Variants in AMD1 observed in about 807,000 individuals in gnomAD.
AMD1 encodes the protein adenosylmethionine decarboxylase 1, also known as S-adenosylmethionine decarboxylase proenzyme.
Under a neutral mutation model 40.2 loss-of-function variants are expected in AMD1, and 11 were observed. The observed-to-expected ratio is 0.27, with a 90% CI of 0.17 to 0.45. The LOEUF is 0.45. AMD1 is among the 20% of genes least tolerant of loss of function. The pLI is 1.00. For missense variants in AMD1, 257 were observed against 410.2 expected (o/e 0.63, Z 3.23); for synonymous variants, 121 against 130.8 (o/e 0.93, Z 0.51).
the AMD1 span, among the ~76,000 whole-genome samples, chr6:110,867,645 CAG>C: frequency 6.6e-6 from 1 of 152,120 alleles, no homozygotes; most frequent in Non-Finnish European, 1.5e-5. Context: ...GCCTGGGCAA[CAG>C]AGTGAGACTC....
At chr6:110,878,539 T>C (rs1785230669) in intron 1 of AMD1, among the ~76,000 whole-genome samples, 2 of 152,214 alleles carry the variant, frequency 1.3e-5, no homozygotes, top group South Asian at 4.1e-4. Context: ...TCCAGATGAA[T>C]AAAGGACAAT....
chr6:110,889,060 A>G lies in AMD1; in HGVS notation c.324+77A>G, dbSNP rs375551851. ...ATCCTGTAATATGCGAAGTAAATAA[A>G]TTTATATACTTACTGCCTTTGTTAC... is the stretch of plus-strand genomic sequence containing the variant. On this transcript the variant is annotated intron_variant, in intron 3 of 8. Transcript: ENST00000368885. 1.3e-4 allele frequency: 200 copies of G among 1,532,592 alleles called. 2 individuals carry two copies. The East Asian group carries it at 2.9e-3, about 22-fold the overall frequency. 94.9% of individuals were successfully genotyped at this position (1,532,592 alleles called of 1,614,324 possible).
the AMD1 span, among the ~76,000 whole-genome samples, chr6:110,859,753 AGAAG>A: frequency 3.0e-4 from 45 of 152,260 alleles, no homozygotes; most frequent in East Asian, 8.5e-3. Flanking sequence ...TGAGGCCCGT[AGAAG>A]GAAGTGGAAT....
chr6:110,892,535 A>G, intron 6 of AMD1, 92 bp downstream of exon 6: 3 of 1,559,242 alleles, frequency 1.9e-6, no homozygotes, highest in Non-Finnish European at 2.6e-6. Flanking sequence ...TCAGGGTAAC[A>G]AGTGCTAGTT....
At chr6:110,888,334 A>AG (rs1785813362) in intron 2 of AMD1, 1 of 148,878 alleles carries the variant, frequency 6.7e-6, no homozygotes, top group African/African-American at 2.5e-5. Context: ...TTTTTTTCTG[A>AG]GGCGGAGTCT....
intron 1 of AMD1, among the ~76,000 whole-genome samples, chr6:110,887,057 T>G (rs1483076469): frequency 6.6e-6 from 1 of 152,132 alleles, no homozygotes; most frequent in Non-Finnish European, 1.5e-5. Context: ...GCTATAAGAG[T>G]AACATCACTC....
chr6:110,871,111 G>T (rs1195606599), upstream of AMD1, among the ~76,000 whole-genome samples: 1 of 152,190 alleles, frequency 6.6e-6, no homozygotes, highest in Non-Finnish European at 1.5e-5. Context: ...GTAGAGATGA[G>T]GTTGGAGGAT....
At chr6:110,843,387 C>T in the AMD1 span, among the ~76,000 whole-genome samples, 2 of 149,196 alleles carry the variant, frequency 1.3e-5, no homozygotes, top group African/African-American at 4.9e-5. Flanking sequence ...TCGCTAGAAC[C>T]GAGGAGGCAG....
the AMD1 span, among the ~76,000 whole-genome samples, chr6:110,840,822 C>T: frequency 1.3e-5 from 2 of 152,152 alleles, no homozygotes; most frequent in Non-Finnish European, 2.9e-5. Context: ...AGAGAGATTC[C>T]ATTTCCTGAG....
the AMD1 span, among the ~76,000 whole-genome samples, chr6:110,845,119 A>C: frequency 7.6e-6 from 1 of 132,380 alleles, no homozygotes; most frequent in South Asian, 2.7e-4. Flanking sequence ...AGCTCACTGC[A>C]ACTTCTGCCT....
the AMD1 span, among the ~76,000 whole-genome samples, chr6:110,838,693 T>A: frequency 6.6e-6 from 1 of 152,046 alleles, no homozygotes; most frequent in Non-Finnish European, 1.5e-5. Context: ...ACCCTGACTC[T>A]ACTGAAAATA....
At chr6:110,843,354 C>T in the AMD1 span, among the ~76,000 whole-genome samples, 1 of 150,204 alleles carries the variant, frequency 6.7e-6, no homozygotes, top group South Asian at 2.1e-4. Flanking sequence ...ATCCCAGCTA[C>T]ACGGGAGGCT....
the AMD1 span, among the ~76,000 whole-genome samples, chr6:110,849,597 T>C: frequency 6.6e-6 from 1 of 152,192 alleles, no homozygotes; most frequent in Non-Finnish European, 1.5e-5. Context: ...TTAAATAATT[T>C]AGCCTAATGT....
the AMD1 span, among the ~76,000 whole-genome samples, chr6:110,834,303 C>T: frequency 6.6e-6 from 1 of 152,076 alleles, no homozygotes; most frequent in Non-Finnish European, 1.5e-5. Context: ...CACGCCACTG[C>T]ACTCCAGCCT....
chr6:110,858,820 G>T, the AMD1 span: 1 of 774,416 alleles, frequency 1.3e-6, no homozygotes, highest in East Asian at 2.4e-5. Flanking sequence ...ACGACCCCAA[G>T]AACCACATCC....
At chr6:110,835,307 C>T in the AMD1 span, among the ~76,000 whole-genome samples, 11 of 151,970 alleles carry the variant, frequency 7.2e-5, no homozygotes, top group South Asian at 8.3e-4. Context: ...CATGAGCCAC[C>T]GCACCCGGCC....
At chr6:110,891,777 T>A (rs1441176624) in intron 4 of AMD1, 1 of 194,314 alleles carries the variant, frequency 5.1e-6, no homozygotes, top group East Asian at 1.3e-4. Context: ...GCGTCTCGCT[T>A]TGTCACCCAG....
At chr6:110,847,977 G>A in the AMD1 span, among the ~76,000 whole-genome samples, 1 of 151,530 alleles carries the variant, frequency 6.6e-6, no homozygotes, top group Non-Finnish European at 1.5e-5. Context: ...GCCTCCCAAA[G>A]TGCTGGGATT....
the AMD1 span, among the ~76,000 whole-genome samples, chr6:110,828,900 G>A: frequency 2.0e-5 from 3 of 152,168 alleles, no homozygotes; most frequent in Non-Finnish European, 4.4e-5. Flanking sequence ...GGCTGGGCGC[G>A]GTGGTTCACG....
Sources: allele counts gnomAD v4.1 joint callset (sites outside exome capture counted in the v4.1 genomes callset), GRCh38; gene constraint gnomAD v4.1.1; transcripts MANE v1.5; gene names NCBI Gene and HGNC (gene_info 2026-07-23, HGNC 2026-07-21).